MTMR8: variants seen among roughly 807,000 people sequenced by gnomAD.
MTMR8 encodes myotubularin related protein 8.
MTMR8 carries 65 observed loss-of-function variants against 39.3 expected under a neutral mutation model. The ratio of observed to expected loss-of-function variants is 1.65; its 90% CI spans 1.35 to 2.03. The LOEUF (loss-of-function observed/expected upper bound fraction) is 2.03, where lower values mean the gene tolerates loss of function less well. MTMR8 is among the 30% of genes most tolerant of loss of function. The probability of loss-of-function intolerance (pLI) is 0.00; values close to 1 mark genes in which losing one functional copy is unlikely to be tolerated. For missense variants in MTMR8, 777 were observed against 538.9 expected (o/e 1.44, Z -4.37); for synonymous variants, 245 against 185.2 (o/e 1.32, Z -2.62).
intron 12 of MTMR8, among the ~76,000 whole-genome samples, chrX:64,322,412 T>C (rs987631826): frequency 8.9e-6 from 1 of 111,934 alleles, no homozygotes; most frequent in Non-Finnish European, 1.9e-5. Flanking sequence ...GAGTATGCTG[T>C]TTTTATAGAA....
At position 64,354,926 on chromosome X, in the gene MTMR8, C is replaced by A; in HGVS notation, c.319G>T (p.Glu107Ter). 1 of 1,191,387 alleles carries A rather than the reference C, an allele frequency of 8.4e-7. No homozygotes were observed. Among genetic ancestry groups the A allele is most frequent in the Non-Finnish European group, 1.1e-6 (1 of 885,958 alleles). The change falls in exon 4 of 14, where the codon GAA becomes TAA. Residue 107 changes from glutamate (E) to a stop codon, truncating the protein, a stop_gained. Transcript: ENST00000374852. LOFTEE classifies it high-confidence loss of function. ...LLKLSQPALP[E>*]DLYAFSYNPK... ...TTATAAGAAAAAGCATAAAGATCTT[C>A]AGGTAATGCTGGAGAAGAGAGATAG...
intron 12 of MTMR8, among the ~76,000 whole-genome samples, chrX:64,323,028 GC>G (rs1420069911): frequency 8.9e-6 from 1 of 112,721 alleles, no homozygotes; most frequent in Non-Finnish European, 1.9e-5. Context: ...CAGGCATGTT[GC>G]TTCCAGGTGC....
Position 64,356,225 on chromosome X carries a change from G to C in MTMR8, c.261C>G (p.Asp87Glu). ...AAATATAAACCTCATGGCACACAAG[G>C]TCAGAATCTAAAACAAAGTGGGCCA... Reference protein sequence around the residue: ...FRVAHFVLDSDLVCHEVYISL... With the variant: ...FRVAHFVLDSELVCHEVYISL... The change falls in exon 3 of 14, where the codon GAC becomes GAG. Residue 87 changes from aspartate (D) to glutamate (E), a missense_variant. By Grantham distance (45) the Asp-to-Glu change is conservative (BLOSUM62 2). Transcript: ENST00000374852. 1 of 1,208,938 alleles carries C rather than the reference G, an allele frequency of 8.3e-7. No homozygotes were observed. Among genetic ancestry groups the C allele is most frequent in the Middle Eastern group, 2.3e-4 (1 of 4,348 alleles).
At chrX:64,275,531 TA>T (rs773068483) in intron 12 of MTMR8, among the ~76,000 whole-genome samples, 3 of 106,087 alleles carry the variant, frequency 2.8e-5, no homozygotes, top group Non-Finnish European at 5.8e-5. Flanking sequence ...CCCCCATCGC[TA>T]AAAAAACATT....
chrX:64,353,361 A>T (rs1186586663), intron 4 of MTMR8, among the ~76,000 whole-genome samples: 2 of 112,271 alleles, frequency 1.8e-5, no homozygotes, highest in Non-Finnish European at 3.8e-5. Flanking sequence ...AGGGATTAAT[A>T]ACCAGAAAAT....
intron 12 of MTMR8, among the ~76,000 whole-genome samples, chrX:64,282,935 T>A (rs1002801600): frequency 5.4e-5 from 6 of 111,656 alleles, no homozygotes; most frequent in African/African-American, 2.0e-4. Flanking sequence ...TATTTCCAAC[T>A]GAGGTACTGG....
intron 6 of MTMR8, among the ~76,000 whole-genome samples, chrX:64,347,197 G>A (rs1209576869): frequency 9.0e-6 from 1 of 110,533 alleles, no homozygotes; most frequent in East Asian, 2.9e-4. Flanking sequence ...ATATTTCTAG[G>A]CCTGTCTTAA....
intron 12 of MTMR8, among the ~76,000 whole-genome samples, chrX:64,296,597 T>C (rs1375503665): frequency 9.5e-6 from 1 of 105,658 alleles, no homozygotes; most frequent in Non-Finnish European, 1.9e-5. Context: ...TTTTTAATTA[T>C]ACTTTAAGTT....
At chrX:64,375,047 CAAAA>C (rs34716248) in intron 1 of MTMR8, among the ~76,000 whole-genome samples, 4 of 55,993 alleles carry the variant, frequency 7.1e-5, no homozygotes, top group South Asian at 1.0e-3. Context: ...TTGTTTTAAG[CAAAA>C]AAAAAAAAAA....
chrX:64,304,804 T>C (rs1297611263), intron 12 of MTMR8, among the ~76,000 whole-genome samples: 3 of 95,820 alleles, frequency 3.1e-5, no homozygotes, highest in Non-Finnish European at 6.3e-5. Context: ...TCACATTTTC[T>C]TTCCCAATTT....
intron 7 of MTMR8, 40 bp from the exon 8 acceptor site, chrX:64,343,760 A>G: frequency 1.0e-6 from 1 of 958,191 alleles, no homozygotes; most frequent in South Asian, 2.1e-5. Flanking sequence ...ATTCACAATC[A>G]ACTCAGTTTA....
In MTMR8 at chrX:64,338,089, C is replaced by G. The variant is rs1479472784; in HGVS notation, c.976-696G>C. Among the ~76,000 whole-genome samples the G allele has an allele frequency of 3.6e-5, 4 of 112,020 alleles. No homozygotes were observed. In the Admixed American group the frequency reaches 3.8e-4, roughly 11 times the overall value. ...TAATTAAAATACAATGGAAAAACTA[C>G]TGGTAATATACAGTAATGTGTAGTA... On this transcript the variant is annotated intron_variant, in intron 8 of 13. Transcript: ENST00000374852.
At chrX:64,357,112 T>C (rs781383153) in intron 2 of MTMR8, among the ~76,000 whole-genome samples, 2 of 111,962 alleles carry the variant, frequency 1.8e-5, no homozygotes, top group Non-Finnish European at 3.8e-5. Flanking sequence ...GTCCAAATAA[T>C]ATAATTCTCT....
chrX:64,333,108 T>A (rs1200799183), intron 10 of MTMR8, among the ~76,000 whole-genome samples: 1 of 112,091 alleles, frequency 8.9e-6, no homozygotes, highest in Non-Finnish European at 1.9e-5. Flanking sequence ...AGCTATGTTC[T>A]CTGCTTCCAC....
chrX:64,323,426 A>G (rs1426267520), intron 12 of MTMR8, among the ~76,000 whole-genome samples: 2 of 112,339 alleles, frequency 1.8e-5, no homozygotes, highest in African/African-American at 3.2e-5. Context: ...TGAAGCAATT[A>G]TTATAGATCT....
At chrX:64,314,477 C>A (rs1436274702) in intron 12 of MTMR8, among the ~76,000 whole-genome samples, 1 of 112,683 alleles carries the variant, frequency 8.9e-6, no homozygotes. Context: ...TGTCCACCCT[C>A]TGTGCATGTT....
chrX:64,278,623 G>A (rs1265523953), intron 12 of MTMR8, among the ~76,000 whole-genome samples: 7 of 107,663 alleles, frequency 6.5e-5, no homozygotes, highest in Non-Finnish European at 1.2e-4. Flanking sequence ...ACAGGTGGGC[G>A]CCACCATGCT....
rs189425361 is a variant in MTMR8, at chrX:64,391,819, C to G, written c.24+3521G>C. Among the ~76,000 whole-genome samples the G allele has an allele frequency of 1.5e-3, 163 of 112,285 alleles. 2 individuals carry two copies. The highest frequency in any genetic ancestry group is 4.6e-3 in the Middle Eastern group (1 of 219). ...AGAGATTATATATTTGCCAAAATCA[C>G]AAAGCTAGTTAAGTAGCAGAGTTGA... On this transcript the variant is annotated intron_variant, in intron 1 of 13. Coordinates refer to ENST00000374852, the MANE Select transcript of MTMR8 (RefSeq NM_017677.4).
chrX:64,289,024 T>A (rs778725395), intron 12 of MTMR8, among the ~76,000 whole-genome samples: 22 of 108,870 alleles, frequency 2.0e-4, no homozygotes, highest in Admixed American at 4.0e-4. Flanking sequence ...TAATAAAAAA[T>A]ATATATATAT....
Sources: gnomAD v4.1 joint callset for allele counts (sites outside exome capture counted in the v4.1 genomes callset) on GRCh38, gnomAD v4.1.1 for gene constraint, MANE v1.5 for transcripts, NCBI Gene and HGNC (gene_info 2026-07-23, HGNC 2026-07-21) for gene names.